The following ARPP21 variants were observed in gnomAD, a reference collection of about 807,000 sequenced individuals.
ARPP21 encodes cAMP regulated phosphoprotein 21, also known as cAMP-regulated phosphoprotein 21.
ARPP21 carries 69 observed loss-of-function variants against 113.2 expected under a neutral mutation model. The observed-to-expected ratio is 0.61, with a 90% CI of 0.50 to 0.74. The LOEUF is 0.74. ARPP21 is among the 30% of genes least tolerant of loss of function. ARPP21 has a pLI of 0.00. For synonymous variants in ARPP21, 368 were observed against 375.5 expected, an observed-to-expected ratio of 0.98 and a Z score of 0.23; for missense variants, 1,070 against 1,037.4, an observed-to-expected ratio of 1.03 and a Z score of -0.43.
At chr3:35,710,928 G>A (rs1326426023) in intron 11 of ARPP21, among the ~76,000 whole-genome samples, 1 of 152,230 alleles carries the variant, frequency 6.6e-6, no homozygotes, top group Non-Finnish European at 1.5e-5. Context: ...TTTTAGGCAA[G>A]TGTTGCTATT....
In ARPP21 at chr3:35,707,864, T is replaced by A. The variant is rs79730078; in HGVS notation, c.795+782T>A. 1.4e-3 allele frequency among the ~76,000 whole-genome samples: 211 copies of A among 151,296 alleles called. No individual in the cohort carries two copies. The East Asian group carries it at 0.015, about 11-fold the overall frequency. On this transcript the variant is annotated intron_variant, in intron 10 of 20. Coordinates refer to ENST00000684406, the MANE Select transcript of ARPP21 (RefSeq NM_001385562.1). ...CTAAGTAAATGGCAAAAAAAAAAAA[T>A]TCCATAAATTTTTAAATGATGATAA...
chr3:35,685,720 T>C, intron 5 of ARPP21: 5 of 983,290 alleles, frequency 5.1e-6, no homozygotes, highest in Non-Finnish European at 6.0e-6. Flanking sequence ...AATTTTGCTT[T>C]TCTAATGTTA....
At chr3:35,676,051 A>T (rs934237808) in intron 1 of ARPP21, among the ~76,000 whole-genome samples, 2 of 151,920 alleles carry the variant, frequency 1.3e-5, no homozygotes, top group Admixed American at 1.3e-4. Flanking sequence ...GAAGAAAAAA[A>T]GATTTTGAAA....
intron 5 of ARPP21, among the ~76,000 whole-genome samples, 174 bp from the exon 6 acceptor site, chr3:35,687,565 T>C (rs2081000439): frequency 6.6e-6 from 1 of 151,366 alleles, no homozygotes; most frequent in Admixed American, 6.6e-5. Flanking sequence ...CTCCTGAAGA[T>C]TAAGTCATTT....
chr3:35,786,353 C>A (rs2151831951), intron 19 of ARPP21, among the ~76,000 whole-genome samples: 1 of 152,072 alleles, frequency 6.6e-6, no homozygotes, highest in East Asian at 1.9e-4. Context: ...GAAACTCCAT[C>A]TCTACTAAAA....
intron 2 of ARPP21, chr3:35,680,857 A>AT (rs1172473905): frequency 2.6e-5 from 4 of 151,700 alleles, no homozygotes; most frequent in Admixed American, 6.6e-5. Context: ...TAAATGCTAA[A>AT]TTATTCATGA....
chr3:35,704,956 T>C (rs889970056), intron 9 of ARPP21, among the ~76,000 whole-genome samples: 1 of 152,108 alleles, frequency 6.6e-6, no homozygotes, highest in Non-Finnish European at 1.5e-5. Flanking sequence ...AAATTCACTT[T>C]ATGCTCATGA....
chr3:35,655,309 T>A (rs1025275822), intron 1 of ARPP21, among the ~76,000 whole-genome samples: 2 of 152,020 alleles, frequency 1.3e-5, no homozygotes, highest in African/African-American at 4.8e-5. Context: ...GAATAATCTT[T>A]ATTATTATGA....
At chr3:35,737,391 G>A in intron 16 of ARPP21, 29 bp downstream of exon 16, 1 of 1,533,256 alleles carries the variant, frequency 6.5e-7, no homozygotes, top group African/African-American at 1.4e-5. Flanking sequence ...GGCAGGGAAG[G>A]GAAGTACCCT....
chr3:35,698,372 T>C (rs189459385), intron 9 of ARPP21, among the ~76,000 whole-genome samples: 1 of 151,748 alleles, frequency 6.6e-6, no homozygotes, highest in Non-Finnish European at 1.5e-5. Flanking sequence ...AGCCTTTGAG[T>C]GTGAATGTAT....
intron 15 of ARPP21, among the ~76,000 whole-genome samples, chr3:35,733,230 C>T (rs1373061390): frequency 6.6e-6 from 1 of 151,050 alleles, no homozygotes; most frequent in Non-Finnish European, 1.5e-5. Flanking sequence ...AGATTGATGG[C>T]AAGGTCTTAG....
At chr3:35,740,525 G>T (rs1361791805) in intron 18 of ARPP21, among the ~76,000 whole-genome samples, 1 of 152,146 alleles carries the variant, frequency 6.6e-6, no homozygotes, top group Non-Finnish European at 1.5e-5. Context: ...TATTTTGAGT[G>T]ATTAATTAAT....
At chr3:35,699,466 G>A (rs1419814179) in intron 9 of ARPP21, among the ~76,000 whole-genome samples, 1 of 151,622 alleles carries the variant, frequency 6.6e-6, no homozygotes, top group African/African-American at 2.4e-5. Flanking sequence ...ATGTTTTAAT[G>A]TTCAGTACAA....
At chr3:35,704,733 T>C (rs1004609302) in intron 9 of ARPP21, among the ~76,000 whole-genome samples, 1 of 152,020 alleles carries the variant, frequency 6.6e-6, no homozygotes. Flanking sequence ...GATTTATGAA[T>C]AGCCGCGCTA....
chr3:35,653,325 T>A (rs1254232740), intron 1 of ARPP21, among the ~76,000 whole-genome samples: 1 of 152,046 alleles, frequency 6.6e-6, no homozygotes, highest in Non-Finnish European at 1.5e-5. Context: ...AATTACCCTG[T>A]AATATGTAAC....
chr3:35,680,022 GT>G (rs1164639033), intron 2 of ARPP21, 62 bp downstream of exon 2: 1 of 152,316 alleles, frequency 6.6e-6, no homozygotes, highest in Non-Finnish European at 1.5e-5. Context: ...TTATATAAAT[GT>G]GCCTGCTTGC....
intron 9 of ARPP21, among the ~76,000 whole-genome samples, chr3:35,700,875 G>C (rs1272149005): frequency 1.3e-5 from 2 of 151,300 alleles, no homozygotes; most frequent in African/African-American, 4.8e-5. Context: ...GGTACATGTC[G>C]GGCAGTGGGG....
At chr3:35,744,562 A>G (rs1336063213) in intron 19 of ARPP21, 1 of 522,422 alleles carries the variant, frequency 1.9e-6, no homozygotes, top group Admixed American at 2.0e-5. Context: ...ACTGTGTCAC[A>G]CTCCTAATGG....
intron 1 of ARPP21, among the ~76,000 whole-genome samples, chr3:35,654,769 C>T (rs1025124786): frequency 2.6e-5 from 4 of 151,934 alleles, no homozygotes; most frequent in African/African-American, 4.8e-5. Flanking sequence ...GTGAGGATAA[C>T]GGATGTTTCA....
Sources: gnomAD v4.1 joint callset for allele counts (sites outside exome capture counted in the v4.1 genomes callset) on GRCh38, gnomAD v4.1.1 for gene constraint, MANE v1.5 for transcripts, NCBI Gene and HGNC (gene_info 2026-07-23, HGNC 2026-07-21) for gene names.